RTL4: variants seen among roughly 807,000 people sequenced by gnomAD.
RTL4 encodes the protein retrotransposon Gag-like protein 4.
Under a neutral mutation model 5.3 loss-of-function variants are expected in RTL4, and 4 were observed. That is an observed-to-expected ratio of 0.75 (90% CI 0.37 to 1.72). The LOEUF is 1.72. Ranked by LOEUF, RTL4 falls within the 40% of genes most tolerant of loss-of-function variation. The pLI is 0.04. For missense variants in RTL4, 260 were observed against 227.1 expected, an observed-to-expected ratio of 1.14 and a Z score of -0.93; for synonymous variants, 98 against 87.3, an observed-to-expected ratio of 1.12 and a Z score of -0.68.
At chrX:112,362,176 C>T in the RTL4 span, among the ~76,000 whole-genome samples, 1 of 112,124 alleles carries the variant, frequency 8.9e-6, no homozygotes, top group African/African-American at 3.2e-5. Context: ...ATGGGTCTTG[C>T]CGTGCACAAG....
At chrX:112,201,281 T>C in the RTL4 span, among the ~76,000 whole-genome samples, 5 of 111,320 alleles carry the variant, frequency 4.5e-5, no homozygotes, top group Non-Finnish European at 7.5e-5. Flanking sequence ...CACATGAGGA[T>C]TATGGGGATT....
At chrX:112,159,602 G>T in the RTL4 span, among the ~76,000 whole-genome samples, 1 of 112,108 alleles carries the variant, frequency 8.9e-6, no homozygotes, top group Non-Finnish European at 1.9e-5. Flanking sequence ...ACTGGCCAAG[G>T]TAAGGTGAAC....
chrX:112,166,988 T>C, the RTL4 span, among the ~76,000 whole-genome samples: 1 of 111,892 alleles, frequency 8.9e-6, no homozygotes, highest in East Asian at 2.8e-4. Context: ...TTCCCTATTC[T>C]GCTCCCTTAA....
chrX:112,173,663 G>A, the RTL4 span, among the ~76,000 whole-genome samples: 2 of 110,187 alleles, frequency 1.8e-5, no homozygotes, highest in East Asian at 5.7e-4. Flanking sequence ...ACCTTGAAAT[G>A]GTGTCTCCAG....
At chrX:112,254,238 A>G in the RTL4 span, among the ~76,000 whole-genome samples, 23 of 111,794 alleles carry the variant, frequency 2.1e-4, no homozygotes, top group African/African-American at 6.8e-4. Context: ...TAGATGATGT[A>G]AAAGATGTGA....
the RTL4 span, among the ~76,000 whole-genome samples, chrX:112,190,593 C>T: frequency 8.9e-6 from 1 of 111,988 alleles, no homozygotes; most frequent in African/African-American, 3.2e-5. Flanking sequence ...ATTTATGCCA[C>T]AGGAGGTGCT....
At chrX:112,340,297 A>G in the RTL4 span, among the ~76,000 whole-genome samples, 1 of 111,344 alleles carries the variant, frequency 9.0e-6, no homozygotes, top group Admixed American at 9.6e-5. Flanking sequence ...GGATCTGTTT[A>G]TGCATATACC....
At chrX:112,262,379 C>G in the RTL4 span, among the ~76,000 whole-genome samples, 6 of 111,915 alleles carry the variant, frequency 5.4e-5, no homozygotes, top group Non-Finnish European at 1.1e-4. Context: ...AACAAGTGGG[C>G]AAAGGATATG....
At chrX:112,161,836 C>CTTTCTTTCTTTCTTTCTTT in the RTL4 span, among the ~76,000 whole-genome samples, 55 of 35,182 alleles carry the variant, frequency 1.6e-3, 2 homozygotes, top group Non-Finnish European at 1.9e-3. Context: ...TTCCTTCCTT[C>CTTTCTTTCTTTCTTTCTTT]CTTCCTTCCT....
the RTL4 span, among the ~76,000 whole-genome samples, chrX:112,331,936 C>T: frequency 2.5e-4 from 25 of 98,672 alleles, no homozygotes; most frequent in Non-Finnish European, 4.6e-4. Flanking sequence ...CATATTCTCA[C>T]TCATAGGTGG....
At chrX:112,306,558 G>A in the RTL4 span, among the ~76,000 whole-genome samples, 1 of 111,469 alleles carries the variant, frequency 9.0e-6, no homozygotes, top group Admixed American at 9.6e-5. Flanking sequence ...TAGCCAGCCT[G>A]ACTCCAGAGC....
At chrX:112,181,958 C>T in the RTL4 span, among the ~76,000 whole-genome samples, 1 of 111,382 alleles carries the variant, frequency 9.0e-6, no homozygotes, top group East Asian at 2.8e-4. Flanking sequence ...GCAGGTGCCC[C>T]TCTGGGATGA....
At chrX:112,204,731 A>G in the RTL4 span, among the ~76,000 whole-genome samples, 1 of 111,517 alleles carries the variant, frequency 9.0e-6, no homozygotes, top group African/African-American at 3.3e-5. Flanking sequence ...AGAAGAATGA[A>G]TAAGACCTAC....
chrX:112,388,976 T>C, the RTL4 span, among the ~76,000 whole-genome samples: 1 of 111,577 alleles, frequency 9.0e-6, no homozygotes, highest in Non-Finnish European at 1.9e-5. Flanking sequence ...GAAATAATTT[T>C]AGTAGGAATG....
At chrX:112,229,492 A>G in the RTL4 span, among the ~76,000 whole-genome samples, 1 of 111,740 alleles carries the variant, frequency 8.9e-6, no homozygotes, top group Non-Finnish European at 1.9e-5. Context: ...TCATTGTAAC[A>G]TGTACATTAC....
At chrX:112,310,743 T>G in the RTL4 span, among the ~76,000 whole-genome samples, 1 of 77,785 alleles carries the variant, frequency 1.3e-5, no homozygotes, top group Non-Finnish European at 2.2e-5. Flanking sequence ...ATTTATATAT[T>G]ATATAAAATA....
the RTL4 span, among the ~76,000 whole-genome samples, chrX:112,083,317 A>ACC: frequency 1.8e-5 from 2 of 111,604 alleles, no homozygotes; most frequent in African/African-American, 6.5e-5. Flanking sequence ...ACCTTTGCCC[A>ACC]CCCCCGTCAG....
At chrX:112,339,087 A>G in the RTL4 span, among the ~76,000 whole-genome samples, 1 of 110,912 alleles carries the variant, frequency 9.0e-6, no homozygotes, top group African/African-American at 3.3e-5. Context: ...TTGAGGATCG[A>G]TATTATAAAA....
the RTL4 span, among the ~76,000 whole-genome samples, chrX:112,354,224 C>A: frequency 9.0e-6 from 1 of 110,976 alleles, no homozygotes; most frequent in African/African-American, 3.3e-5. Context: ...AGGACATGGA[C>A]TTGGAACCAG....
Sources: gnomAD v4.1 joint callset for allele counts (sites outside exome capture counted in the v4.1 genomes callset) on GRCh38, gnomAD v4.1.1 for gene constraint, MANE v1.5 for transcripts, NCBI Gene and HGNC (gene_info 2026-07-23, HGNC 2026-07-21) for gene names.